Variants in CSPG4 observed in about 807,000 individuals in gnomAD.
The protein encoded by CSPG4 is chondroitin sulfate proteoglycan 4.
A neutral mutation model predicts 139.3 loss-of-function variants in CSPG4; 74 were observed. That is an observed-to-expected ratio of 0.53 (90% CI 0.44 to 0.64). The LOEUF (loss-of-function observed/expected upper bound fraction) is 0.64. Ranked by LOEUF, CSPG4 falls within the 30% of genes least tolerant of loss-of-function variation. CSPG4 has a pLI of 0.00. For synonymous variants in CSPG4, 1,234 were observed against 1,394.2 expected (o/e 0.89, Z 2.56); for missense variants, 2,565 against 3,148.3 (o/e 0.81, Z 4.43).
chr15:75,681,635 G>A (rs917680059), intron 8 of CSPG4, among the ~76,000 whole-genome samples: 2 of 152,208 alleles, frequency 1.3e-5, no homozygotes, highest in African/African-American at 4.8e-5. Flanking sequence ...CTCCTGTTCT[G>A]TCTTCAGCGA....
chr15:75,688,812 G>C lies in CSPG4; in HGVS notation c.2253C>G (p.His751Gln). ...CCAGGTTCTCCACGGTGTCGTAAGC[G>C]TGGTGCTGTGGGTCAGTGCTCAGGT... is the stretch of plus-strand genomic sequence containing the variant. ...VRYLSTDPQHHAYDTVENLAL... is the reference protein window; with the variant it reads ...VRYLSTDPQHQAYDTVENLAL... The change falls in exon 3 of 10, where the codon CAC (histidine) becomes CAG (glutamine). Residue 751 changes from histidine (H) to glutamine (Q), a missense_variant. By Grantham distance (24) the His-to-Gln change is conservative. This residue lies in a region of CSPG4 where 2,316 missense variants were observed against 2,818.2 expected (regional missense o/e 0.82). Transcript: ENST00000308508. 1 of 1,612,920 alleles carries C rather than the reference G, an allele frequency of 6.2e-7. No homozygotes were observed.
chr15:75,674,646 T>C lies in CSPG4; in HGVS notation c.*904A>G, dbSNP rs553802269. Reference sequence around the variant, plus strand: ...TGTCCAGAGCCTCCAAAGCACTGTTTATCCAGGCTCCATGGAACCAAGTGC... The same window carrying C: ...TGTCCAGAGCCTCCAAAGCACTGTTCATCCAGGCTCCATGGAACCAAGTGC... On this transcript the variant is annotated 3_prime_UTR_variant, in exon 10 of 10. Transcript: ENST00000308508. 1.0e-5 allele frequency: 4 copies of C among 398,938 alleles called. No individual in the cohort carries two copies. The highest frequency in any genetic ancestry group is 6.2e-5 in the African/African-American group (3 of 48,750). 24.7% of individuals were successfully genotyped at this position (398,938 alleles called of 1,614,324 possible).
Position 75,696,031 on chromosome 15 carries a change from C to T in CSPG4, c.89-2798G>A, listed in dbSNP as rs944636862. Among the ~76,000 whole-genome samples the T allele has an allele frequency of 6.6e-6, 1 of 152,094 alleles. No homozygotes were observed. Among genetic ancestry groups the T allele is most frequent in the African/African-American group, 2.4e-5 (1 of 41,408 alleles). ...TTGGCACAGGCTGGATCAGACCTGC[C>T]GTTGATTCTCCTGGGTCAAGAGGAC... is the stretch of plus-strand genomic sequence containing the variant. On this transcript the variant is annotated intron_variant, in intron 1 of 9. Transcript: ENST00000308508. This position sits in a 1 kb window ranked among gnomAD's most constrained non-coding sequence, Gnocchi z 4.2.
In CSPG4 at chr15:75,674,669, T is replaced by G. The variant is rs750685628; in HGVS notation, c.*881A>C. ...TTTATCCAGGCTCCATGGAACCAAGTGCCCCCAGCTGCCTGCCCTAGTCCT... is the reference window on the plus strand; with the variant it reads ...TTTATCCAGGCTCCATGGAACCAAGGGCCCCCAGCTGCCTGCCCTAGTCCT... On this transcript the variant is annotated 3_prime_UTR_variant, in exon 10 of 10. Coordinates refer to ENST00000308508, the MANE Select transcript of CSPG4 (RefSeq NM_001897.5). 7 of 398,916 alleles carry G rather than the reference T, an allele frequency of 1.8e-5. No homozygotes were observed. Among genetic ancestry groups the G allele is most frequent in the Non-Finnish European group, 3.1e-5 (7 of 226,150 alleles). 24.7% of individuals were successfully genotyped at this position (398,916 alleles called of 1,614,324 possible). A position where few individuals can be genotyped will look rare whatever the true frequency, so the allele number is the denominator to read the frequency against.
Position 75,712,679 on chromosome 15 carries a change from A to G in CSPG4, c.77T>C (p.Leu26Pro), listed in dbSNP as rs1894461879. 2.6e-6 allele frequency: 4 copies of G among 1,563,110 alleles called. No individual in the cohort carries two copies. The African/African-American group carries it at 5.4e-5, about 21-fold the overall frequency. ...GGCCCCTCACTCACCCGCGGATGCA[A>G]GTCTGGCCAACATAGTCAGGGTCAA... ...LALTLTMLAR[L>P]ASAASFFGEN... Residue 26 changes from leucine (L) to proline (P), a missense_variant, in exon 1 of 10, where the codon CTT (leucine) becomes CCT (proline). Leu to Pro is a moderately conservative substitution (Grantham distance 98, BLOSUM62 -3). Around this residue, in one of 5 missense-constraint regions of CSPG4, gnomAD observed 47 missense variants for 48.7 expected, o/e 0.97. Transcript: ENST00000308508.
At position 75,690,699 on chromosome 15, in the gene CSPG4, C is replaced by T. The variant is rs369342247; in HGVS notation, c.366G>A (p.Thr122=). The T allele has an allele frequency of 3.1e-6, 5 of 1,612,936 alleles. No individual in the cohort carries two copies. Among genetic ancestry groups the T allele is most frequent in the South Asian group, 1.1e-5 (1 of 91,084 alleles). The part of the protein sequence containing the change: ...VVLTVVEGWA[T]LSVDGFLNAS... The stretch of plus-strand genomic sequence containing the variant: ...CGTTCAGAAACCCATCGACTGACAA[C>T]GTGGCCCAGCCCTCTACGACAGTCA... Residue 122 remains threonine (T), a synonymous_variant, in exon 3 of 10, where the codon ACG becomes ACA. Coordinates refer to ENST00000308508, the MANE Select transcript of CSPG4 (RefSeq NM_001897.5).
chr15:75,682,106 A>G (rs1265928863), intron 8 of CSPG4, among the ~76,000 whole-genome samples, 187 bp downstream of exon 8: 1 of 152,186 alleles, frequency 6.6e-6, no homozygotes, highest in African/African-American at 2.4e-5. Flanking sequence ...TTCTGGGAAC[A>G]TGAACTTGCC....
chr15:75,693,057 G>A lies in CSPG4; in HGVS notation c.252+13C>T, dbSNP rs1282886908. The A allele has an allele frequency of 1.5e-6, 2 of 1,321,550 alleles. No individual in the cohort carries two copies. Among genetic ancestry groups the A allele is most frequent in the East Asian group, 5.0e-5 (2 of 39,814 alleles). 81.9% of individuals were successfully genotyped at this position (1,321,550 alleles called of 1,614,324 possible). Reference sequence around the variant, plus strand: ...CCCGAATCCCGCCCAGATCTCAGGGGGACGTCACTCACCTGCAGGCGTCCA... The same window carrying A: ...CCCGAATCCCGCCCAGATCTCAGGGAGACGTCACTCACCTGCAGGCGTCCA... On this transcript the variant is annotated intron_variant, in intron 2 of 9. Coordinates refer to ENST00000308508, the MANE Select transcript of CSPG4 (RefSeq NM_001897.5).
At chr15:75,681,174 A>C (rs1172059254) in intron 8 of CSPG4, among the ~76,000 whole-genome samples, 1 of 152,148 alleles carries the variant, frequency 6.6e-6, no homozygotes, top group Non-Finnish European at 1.5e-5. Flanking sequence ...GAAATACAGA[A>C]CCTGGGACTG....
rs76355502 is a variant in CSPG4, at chr15:75,696,099, A to G, written c.89-2866T>C. Among the ~76,000 whole-genome samples, 4,730 of 152,258 alleles carry G rather than the reference A, an allele frequency of 0.031. 264 individuals carry two copies. Among genetic ancestry groups the G allele is most frequent in the African/African-American group, 0.11 (4,483 of 41,540 alleles). ...AGCAGACCAAACCTGTAGCAGCCCCATGGGCTGCCCTCTGAGCCAGGAGAA... is the reference window on the plus strand; with the variant it reads ...AGCAGACCAAACCTGTAGCAGCCCCGTGGGCTGCCCTCTGAGCCAGGAGAA... On this transcript the variant is annotated intron_variant, in intron 1 of 9. Coordinates refer to ENST00000308508, the MANE Select transcript of CSPG4 (RefSeq NM_001897.5). This position sits in a 1 kb window ranked among gnomAD's most constrained non-coding sequence, Gnocchi z 4.2.
intron 3 of CSPG4, among the ~76,000 whole-genome samples, chr15:75,686,383 C>T (rs1370173820): frequency 2.0e-5 from 3 of 152,242 alleles, no homozygotes; most frequent in East Asian, 3.9e-4. Flanking sequence ...CATCAGAGGG[C>T]GCCCCGCCCC....
rs1192751175 is a variant in CSPG4, at chr15:75,690,583, C to T, written c.482G>A (p.Gly161Glu). 154 of 1,607,496 alleles carry T rather than the reference C, an allele frequency of 9.6e-5. 1 individual carries two copies. The highest frequency in any genetic ancestry group is 1.3e-4 in the Non-Finnish European group (150 of 1,177,886). The part of the protein sequence containing the change: ...TGTLGLPYLR[G>E]TSRPLRGCLH... Reference sequence around the variant, plus strand: ...GCAACCCCTCAGGGGTCGGCTGGTTCCCCTCAGGTAGGGCAGGCCAAGGGT... The same window carrying T: ...GCAACCCCTCAGGGGTCGGCTGGTTTCCCTCAGGTAGGGCAGGCCAAGGGT... The change falls in exon 3 of 10, where the codon GGA (glycine) becomes GAA (glutamate). Residue 161 changes from glycine to glutamate, a missense_variant. Physicochemically the swap from Gly to Glu is moderately conservative, Grantham distance 98. Coordinates refer to ENST00000308508, the MANE Select transcript of CSPG4 (RefSeq NM_001897.5).
intron 5 of CSPG4, among the ~76,000 whole-genome samples, chr15:75,683,436 G>C (rs1894007376): frequency 6.6e-6 from 1 of 152,212 alleles, no homozygotes; most frequent in Admixed American, 6.5e-5. Context: ...TCTCCTTTCA[G>C]AGCCTCCGTG....
Position 75,687,250 on chromosome 15 carries a change from C to G in CSPG4, c.3789+26G>C. On this transcript the variant is annotated intron_variant, in intron 3 of 9. Transcript: ENST00000308508. This position sits in a 1 kb window ranked among gnomAD's most constrained non-coding sequence, Gnocchi z 5.4. ...GAAGGCCCTCTACCTGGCCCACACCCCTGCTCACCACCTCCAACTCCTCAC... is the reference window on the plus strand; with the variant it reads ...GAAGGCCCTCTACCTGGCCCACACCGCTGCTCACCACCTCCAACTCCTCAC... 1 of 1,608,346 alleles carries G rather than the reference C, an allele frequency of 6.2e-7. No individual in the cohort carries two copies. The highest frequency in any genetic ancestry group is 2.2e-5 in the East Asian group (1 of 44,878).
chr15:75,688,033 A>G lies in CSPG4; in HGVS notation c.3032T>C (p.Ile1011Thr). ...AGGGGCGTGGTCATTCACGGGCTGG[A>G]TGGCCACTCGGAAGACACCCCGTAC... The part of the protein sequence containing the change: ...EEVRGVFRVA[I>T]QPVNDHAPVQ... The change falls in exon 3 of 10, where the codon ATC (isoleucine) becomes ACC (threonine). Residue 1011 changes from isoleucine (I) to threonine (T), a missense_variant. Transcript: ENST00000308508. 1 of 1,612,024 alleles carries G rather than the reference A, an allele frequency of 6.2e-7. No homozygotes were observed.
At position 75,679,270 on chromosome 15, in the gene CSPG4, G is replaced by A. The variant is rs139501590; in HGVS notation, c.4951-1384C>T. ...ATCCTGCTTCAGAGACTATAGCTCC[G>A]TTTTCAAGGGCTCAGGCCACACCCT... On this transcript the variant is annotated intron_variant, in intron 8 of 9. Transcript: ENST00000308508. The A allele has an allele frequency of 3.3e-4, 51 of 155,748 alleles. No homozygotes were observed. The East Asian group carries it at 6.5e-3, about 20-fold the overall frequency. 9.6% of individuals were successfully genotyped at this position (155,748 alleles called of 1,614,324 possible). A position where few individuals can be genotyped will look rare whatever the true frequency, so the allele number is the denominator to read the frequency against.
intron 1 of CSPG4, among the ~76,000 whole-genome samples, chr15:75,702,416 C>T (rs965398782): frequency 2.0e-5 from 3 of 152,258 alleles, no homozygotes; most frequent in African/African-American, 7.2e-5. Context: ...CAAAGACACT[C>T]GCTGCGGCCC....
At chr15:75,701,586 G>C (rs1298433797) in intron 1 of CSPG4, among the ~76,000 whole-genome samples, 5 of 147,004 alleles carry the variant, frequency 3.4e-5, no homozygotes, top group African/African-American at 1.2e-4. Context: ...CAGCCTGTGG[G>C]CCCCCCCTGG....
chr15:75,699,125 A>G (rs531258579), intron 1 of CSPG4, among the ~76,000 whole-genome samples: 2 of 152,326 alleles, frequency 1.3e-5, no homozygotes, highest in South Asian at 4.1e-4. Context: ...TGCGGACAAC[A>G]GTAGGTTAGT....
Sources: allele counts gnomAD v4.1 joint callset (sites outside exome capture counted in the v4.1 genomes callset), GRCh38; gene constraint gnomAD v4.1.1; regional missense constraint gnomAD v4.1.1; non-coding constraint Gnocchi (gnomAD v3.1); transcripts MANE v1.5; gene names NCBI Gene and HGNC (gene_info 2026-07-23, HGNC 2026-07-21).